CREB5: variants seen among roughly 807,000 people sequenced by gnomAD.
CREB5 encodes the protein cAMP responsive element binding protein 5, also known as cyclic AMP-responsive element-binding protein 5.
A neutral mutation model predicts 57.1 loss-of-function variants in CREB5; 19 were observed. The observed-to-expected ratio is 0.33, with a 90% CI of 0.23 to 0.49. CREB5 has a LOEUF of 0.49. Among genes scored for constraint, CREB5 ranks in the 20% least tolerant of loss-of-function variants. CREB5 has a pLI of 0.99. For missense variants in CREB5, 579 were observed against 671.6 expected (o/e 0.86, Z 1.52); for synonymous variants, 238 against 238.3 (o/e 1.00, Z 0.01).
intron 1 of CREB5, among the ~76,000 whole-genome samples, chr7:28,397,585 T>C (rs1787365006): frequency 6.6e-6 from 1 of 152,204 alleles, no homozygotes; most frequent in Non-Finnish European, 1.5e-5. Context: ...AATTAAAGTC[T>C]CACATAAGAT....
In CREB5 at chr7:28,527,984, G is replaced by A. The variant is rs186099986; in HGVS notation, c.291+20247G>A. ...CAAGTCATTTAACTTTTTCTGAGCCGCCATGTTTATCTACCTTGCAAAGTT... is the reference window on the plus strand; with the variant it reads ...CAAGTCATTTAACTTTTTCTGAGCCACCATGTTTATCTACCTTGCAAAGTT... On this transcript the variant is annotated intron_variant, in intron 4 of 10. Coordinates refer to ENST00000357727, the MANE Select transcript of CREB5 (RefSeq NM_182898.4). Among the ~76,000 whole-genome samples, 278 of 152,254 alleles carry A rather than the reference G, an allele frequency of 1.8e-3. 1 individual carries two copies. Among genetic ancestry groups the A allele is most frequent in the African/African-American group, 6.2e-3 (256 of 41,554 alleles).
intron 4 of CREB5, chr7:28,513,737 G>A (rs1365965977): frequency 6.6e-6 from 1 of 152,212 alleles, no homozygotes; most frequent in Non-Finnish European, 1.5e-5. Flanking sequence ...TAAACTGGAA[G>A]CTATTTCATG....
chr7:28,809,310 C>A lies in CREB5; in HGVS notation c.1150C>A (p.Arg384=), dbSNP rs1808954180. 10 of 1,614,070 alleles carry A rather than the reference C, an allele frequency of 6.2e-6. No individual in the cohort carries two copies. Among genetic ancestry groups the A allele is most frequent in the Non-Finnish European group, 7.6e-6 (9 of 1,180,038 alleles). ...PDERRRKFLE[R]NRAAATRCRQ... is the part of the protein sequence containing the mutation. ...CGAGAGGCGGCGGAAATTTCTGGAA[C>A]GGAACCGGGCAGCTGCCACCCGCTG... The change falls in exon 9 of 11, where the codon CGG becomes AGG. Residue 384 remains arginine (R), a synonymous_variant. Coordinates refer to ENST00000357727, the MANE Select transcript of CREB5 (RefSeq NM_182898.4).
At chr7:28,493,320 T>G (rs565296451) in intron 2 of CREB5, among the ~76,000 whole-genome samples, 14 of 152,230 alleles carry the variant, frequency 9.2e-5, no homozygotes, top group Non-Finnish European at 1.8e-4. Context: ...GGATATTCTG[T>G]TAAGTTCAGT....
chr7:28,405,211 A>G (rs1386811173), intron 1 of CREB5, among the ~76,000 whole-genome samples: 7 of 152,200 alleles, frequency 4.6e-5, no homozygotes, highest in South Asian at 4.1e-4. Flanking sequence ...AAACTTCCCA[A>G]TGGGACGATA....
chr7:28,658,959 ATATATATATATATATATATATG>A (rs1799458918), intron 5 of CREB5, among the ~76,000 whole-genome samples: 1 of 129,564 alleles, frequency 7.7e-6, no homozygotes, highest in Non-Finnish European at 1.6e-5. Context: ...GTGTGTATAT[ATATATATATATATATATATATG>A]TATATATAAG....
intron 1 of CREB5, among the ~76,000 whole-genome samples, chr7:28,424,858 TG>T (rs1273167210): frequency 6.6e-6 from 1 of 152,240 alleles, no homozygotes; most frequent in Non-Finnish European, 1.5e-5. Context: ...TGGTTGTTGA[TG>T]GATAATTTAT....
chr7:28,399,993 G>A (rs1234534386), intron 1 of CREB5, among the ~76,000 whole-genome samples: 1 of 152,162 alleles, frequency 6.6e-6, no homozygotes, highest in Non-Finnish European at 1.5e-5. Flanking sequence ...AGGAGGTGGA[G>A]GTTGCAGTTA....
At chr7:28,431,946 A>G (rs1434698375) in intron 1 of CREB5, among the ~76,000 whole-genome samples, 1 of 143,856 alleles carries the variant, frequency 7.0e-6, no homozygotes, top group Non-Finnish European at 1.5e-5. Context: ...AATGGGGAAC[A>G]TTTGCAGGAT....
chr7:28,428,842 C>T (rs78895191), intron 1 of CREB5, among the ~76,000 whole-genome samples: 45 of 152,232 alleles, frequency 3.0e-4, no homozygotes, highest in East Asian at 2.7e-3. Flanking sequence ...GCCCCAGCCA[C>T]GCTGGGATAT....
At chr7:28,753,998 A>T (rs1805134021) in intron 7 of CREB5, among the ~76,000 whole-genome samples, 1 of 151,190 alleles carries the variant, frequency 6.6e-6, no homozygotes, top group African/African-American at 2.4e-5. Flanking sequence ...AAAAAAAAAA[A>T]CCTCCCTCAA....
At chr7:28,515,909 AAT>A (rs60865345) in intron 4 of CREB5, among the ~76,000 whole-genome samples, 1 of 150,952 alleles carries the variant, frequency 6.6e-6, no homozygotes, top group Non-Finnish European at 1.5e-5. Context: ...TTAAAGTAAA[AAT>A]ATATATATAT....
intron 5 of CREB5, among the ~76,000 whole-genome samples, chr7:28,613,672 A>T (rs566889425): frequency 6.6e-6 from 1 of 152,304 alleles, no homozygotes; most frequent in African/African-American, 2.4e-5. Flanking sequence ...GCTGTATTTG[A>T]TATTTCATGA....
intron 5 of CREB5, among the ~76,000 whole-genome samples, chr7:28,628,416 G>T (rs1798082584): frequency 2.0e-5 from 3 of 152,168 alleles, no homozygotes; most frequent in Non-Finnish European, 4.4e-5. Flanking sequence ...AGAAGGCTTA[G>T]CATCTGTCAG....
chr7:28,768,014 G>A (rs80271584), intron 7 of CREB5, among the ~76,000 whole-genome samples: 2,049 of 152,286 alleles, frequency 0.013, 56 homozygotes, highest in African/African-American at 0.047. Context: ...ATCCCCATAA[G>A]GATAGGAACT....
chr7:28,432,711 A>G (rs1235010888), intron 1 of CREB5, among the ~76,000 whole-genome samples: 2 of 152,238 alleles, frequency 1.3e-5, no homozygotes, highest in African/African-American at 4.8e-5. Flanking sequence ...TCGTGAAAAA[A>G]TGATAGCTAT....
At chr7:28,361,130 C>T (rs1193712031) in intron 1 of CREB5, among the ~76,000 whole-genome samples, 1 of 152,148 alleles carries the variant, frequency 6.6e-6, no homozygotes, top group African/African-American at 2.4e-5. Flanking sequence ...AAAAAACTTA[C>T]TGTAGGACAG....
chr7:28,622,864 A>C (rs570498402), intron 5 of CREB5, among the ~76,000 whole-genome samples: 27 of 152,162 alleles, frequency 1.8e-4, no homozygotes, highest in African/African-American at 6.5e-4. Context: ...TCTATTTTTG[A>C]AAATAATAAT....
At chr7:28,482,725 T>A (rs1791385232) in intron 1 of CREB5, among the ~76,000 whole-genome samples, 1 of 152,220 alleles carries the variant, frequency 6.6e-6, no homozygotes, top group Non-Finnish European at 1.5e-5. Flanking sequence ...CCCTTTCAGA[T>A]TTATAATGCA....
Sources: gnomAD v4.1 joint callset for allele counts (sites outside exome capture counted in the v4.1 genomes callset) on GRCh38, gnomAD v4.1.1 for gene constraint, MANE v1.5 for transcripts, NCBI Gene and HGNC (gene_info 2026-07-23, HGNC 2026-07-21) for gene names.